Variants in WASHC2A observed in about 807,000 individuals in gnomAD.
WASHC2A encodes WASH complex subunit 2A.
A neutral mutation model predicts 140.3 loss-of-function variants in WASHC2A; 82 were observed. The ratio of observed to expected loss-of-function variants is 0.58; its 90% CI spans 0.49 to 0.70. The LOEUF is 0.70. Among genes scored for constraint, WASHC2A ranks in the 30% least tolerant of loss-of-function variants. The pLI is 0.00. For synonymous variants in WASHC2A, 340 were observed against 560.8 expected (o/e 0.61, Z 5.56); for missense variants, 985 against 1,521.8 (o/e 0.65, Z 5.87).
chr10:50,100,356 C>T lies in WASHC2A; in HGVS notation c.1635+292C>T, dbSNP rs549114180. Among the ~76,000 whole-genome samples, 15 of 151,550 alleles carry T rather than the reference C, an allele frequency of 9.9e-5. No individual in the cohort carries two copies. In the East Asian group the frequency reaches 2.1e-3, roughly 21 times the overall value. ...AATTAGCTGGGTATGGTGGTGCGAG[C>T]CTGTAATCCCAGTTACTCAGAAGGC... On this transcript the variant is annotated intron_variant, in intron 17 of 30. Transcript: ENST00000282633.
intron 21 of WASHC2A, among the ~76,000 whole-genome samples, chr10:50,114,555 G>A (rs1402578664): frequency 7.2e-6 from 1 of 138,622 alleles, no homozygotes; most frequent in Non-Finnish European, 1.6e-5. Flanking sequence ...GCGTAAACAC[G>A]TAAACATGGT....
Position 50,129,742 on chromosome 10 carries a change from C to T in WASHC2A, c.3411C>T (p.Ser1137=), listed in dbSNP as rs1843768224. 1 of 1,612,032 alleles carries T rather than the reference C, an allele frequency of 6.2e-7. No individual in the cohort carries two copies. The highest frequency in any genetic ancestry group is 1.1e-5 in the South Asian group (1 of 90,984). Reference sequence around the variant, plus strand: ...TTTTTGATTCTGGGGACATCTTTTCCACGGGCACTGGATCTCAGTCTGTGG... The same window carrying T: ...TTTTTGATTCTGGGGACATCTTTTCTACGGGCACTGGATCTCAGTCTGTGG... ...ADLFDSGDIF[S]TGTGSQSVER... is the part of the protein sequence containing the mutation. The change falls in exon 29 of 31, where the codon TCC becomes TCT. Residue 1137 remains serine, a synonymous_variant. Transcript: ENST00000282633.
chr10:50,130,063 G>A, intron 29 of WASHC2A, 24 bp downstream of exon 29: 2 of 1,611,638 alleles, frequency 1.2e-6, no homozygotes, highest in Non-Finnish European at 1.7e-6. Flanking sequence ...ACACGTTTTT[G>A]TGTCTGTTCT....
chr10:50,108,881 C>T (rs1337463013), intron 19 of WASHC2A, among the ~76,000 whole-genome samples: 1 of 85,726 alleles, frequency 1.2e-5, no homozygotes, highest in Non-Finnish European at 2.2e-5. Flanking sequence ...GACTCTGTCT[C>T]GAAAAAGGAA....
rs566102902 is a variant in WASHC2A at position 50,074,631 on chromosome 10, C to A, written c.292-4044C>A. On this transcript the variant is annotated intron_variant, in intron 3 of 30. Transcript: ENST00000282633. The stretch of plus-strand genomic sequence containing the variant: ...GACATCAGGCTTAAAAGAATTGAAC[C>A]TACAGTAGGCCGGGTGCGGTGGCTC... Among the ~76,000 whole-genome samples, 29 of 152,150 alleles carry A rather than the reference C, an allele frequency of 1.9e-4. No homozygotes were observed. In the South Asian group the frequency reaches 6.0e-3, roughly 32 times the overall value.
chr10:50,094,473 G>T (rs1840251799), intron 13 of WASHC2A, among the ~76,000 whole-genome samples: 1 of 151,208 alleles, frequency 6.6e-6, no homozygotes, highest in South Asian at 2.1e-4. Context: ...TGTCCCCTTG[G>T]TGCAGTTTTT....
chr10:50,109,839 C>T (rs1383599723), intron 19 of WASHC2A, among the ~76,000 whole-genome samples: 3,285 of 152,120 alleles, frequency 0.022, 32 homozygotes, highest in Non-Finnish European at 0.026. Flanking sequence ...GCACGATCTC[C>T]GTTCACTGCA....
intron 20 of WASHC2A, among the ~76,000 whole-genome samples, chr10:50,111,525 A>G (rs1842287274): frequency 6.6e-6 from 1 of 152,082 alleles, no homozygotes. Flanking sequence ...CATTTCTCTC[A>G]TCGGTTTGTT....
At chr10:50,106,722 AG>A (rs1401349447) in intron 19 of WASHC2A, among the ~76,000 whole-genome samples, 1 of 134,476 alleles carries the variant, frequency 7.4e-6, no homozygotes, top group African/African-American at 2.6e-5. Flanking sequence ...TAGGCCGGCT[AG>A]GGGGGAAATG....
chr10:50,076,816 T>TAAA (rs547485067), intron 3 of WASHC2A, among the ~76,000 whole-genome samples: 1 of 116,674 alleles, frequency 8.6e-6, no homozygotes. Flanking sequence ...CCATCTCTAC[T>TAAA]AAAAAAAAAA....
At chr10:50,127,912 G>A in intron 28 of WASHC2A, 117 bp downstream of exon 28, 2 of 1,527,336 alleles carry the variant, frequency 1.3e-6, no homozygotes, top group Non-Finnish European at 1.8e-6. Context: ...TGAAGGAGGT[G>A]CCTCATCCTT....
intron 3 of WASHC2A, among the ~76,000 whole-genome samples, chr10:50,074,779 G>T (rs1838149770): frequency 6.6e-6 from 1 of 152,138 alleles, no homozygotes; most frequent in African/African-American, 2.4e-5. Flanking sequence ...AGCCAGGCGT[G>T]GTGGCAGGCG....
rs534801183 is a variant in WASHC2A at position 50,132,728 on chromosome 10, G to A, written c.3887-78G>A. On this transcript the variant is annotated intron_variant, in intron 30 of 30. Transcript: ENST00000282633. ...TGCTGTTACCAGAGCTGGGTCTTTG[G>A]TGGTTTGCTTGCATGTGTCTTAAAA... The A allele has an allele frequency of 6.2e-4, 993 of 1,611,886 alleles. 1 individual carries two copies. Among genetic ancestry groups the A allele is most frequent in the Middle Eastern group, 1.6e-3 (7 of 4,430 alleles).
chr10:50,117,426 AAGG>A (rs2132970325), intron 21 of WASHC2A, among the ~76,000 whole-genome samples: 1 of 61,220 alleles, frequency 1.6e-5, no homozygotes, highest in East Asian at 4.4e-4. Flanking sequence ...ACAGCAGGGA[AAGG>A]AGGAGATGCA....
Position 50,125,102 on chromosome 10 carries a change from C to A in WASHC2A, c.2479-11C>A. The A allele has an allele frequency of 1.9e-6, 3 of 1,611,844 alleles. 1 individual carries two copies. The South Asian group carries it at 3.3e-5, about 18-fold the overall frequency. On this transcript the variant is annotated splice_polypyrimidine_tract_variant and intron_variant, in intron 23 of 30. Coordinates refer to ENST00000282633, the MANE Select transcript of WASHC2A (RefSeq NM_001005751.3). ...GCTCTAATCACACATGACCTTCCCT[C>A]CTGTTCCCAGGGCCGCGATCCTGAT...
At chr10:50,092,268 G>A in intron 11 of WASHC2A, 35 bp downstream of exon 11, 1 of 1,281,204 alleles carries the variant, frequency 7.8e-7, no homozygotes, top group Non-Finnish European at 1.1e-6. Context: ...TATTTTAGGA[G>A]CCTGTTGACT....
intron 20 of WASHC2A, among the ~76,000 whole-genome samples, chr10:50,111,937 A>G (rs1842322065): frequency 1.3e-5 from 2 of 152,296 alleles, no homozygotes; most frequent in South Asian, 4.1e-4. Flanking sequence ...CTGAGGCAGG[A>G]GAATTGCTTG....
chr10:50,126,036 G>A (rs1262876126), intron 25 of WASHC2A, 21 bp from the exon 26 acceptor site: 17 of 1,611,182 alleles, frequency 1.1e-5, no homozygotes, highest in Non-Finnish European at 1.4e-5. Flanking sequence ...ATGGCTTTTT[G>A]GTATTTTTTT....
intron 6 of WASHC2A, 39 bp downstream of exon 6, chr10:50,084,204 T>G: frequency 3.7e-6 from 6 of 1,606,684 alleles, no homozygotes; most frequent in East Asian, 2.2e-5. Context: ...CCTTAACATT[T>G]CTTTTTTATT....
Sources: allele counts gnomAD v4.1 joint callset (sites outside exome capture counted in the v4.1 genomes callset), GRCh38; gene constraint gnomAD v4.1.1; transcripts MANE v1.5; gene names NCBI Gene and HGNC (gene_info 2026-07-23, HGNC 2026-07-21).